OR10G3: variants seen among roughly 807,000 people sequenced by gnomAD.
OR10G3 encodes the protein olfactory receptor 10G3.
OR10G3 carries 8 observed loss-of-function variants against 13.4 expected under a neutral mutation model. The ratio of observed to expected loss-of-function variants is 0.60; its 90% CI spans 0.35 to 1.08. The LOEUF is 1.08. OR10G3 is among the 50% of genes least tolerant of loss of function. The pLI, the probability that OR10G3 is intolerant of heterozygous loss-of-function variation, is 0.02. For synonymous variants in OR10G3, 142 were observed against 156.1 expected (o/e 0.91, Z 0.67); for missense variants, 393 against 386.6 (o/e 1.02, Z -0.14).
intron 1 of OR10G3, among the ~76,000 whole-genome samples, chr14:21,572,481 C>A (rs2139711789): frequency 6.6e-6 from 1 of 150,892 alleles, no homozygotes; most frequent in East Asian, 1.9e-4. Context: ...CCTGTACTCC[C>A]AGCTACTTGG....
chr14:21,569,605 C>T lies in OR10G3; in HGVS notation c.*198G>A. 1.4e-5 allele frequency: 8 copies of T among 557,932 alleles called. No individual in the cohort carries two copies. Among genetic ancestry groups the T allele is most frequent in the Non-Finnish European group, 3.1e-6 (1 of 318,760 alleles). 34.6% of individuals were successfully genotyped at this position (557,932 alleles called of 1,614,324 possible). ...TGAGAATTTGGTCTCATTCTCTACT[C>T]TTGCAGTGGCTGAGAGTTATCTTGA... On this transcript the variant is annotated 3_prime_UTR_variant, in exon 2 of 2. Transcript: ENST00000641040.
intron 1 of OR10G3, among the ~76,000 whole-genome samples, chr14:21,573,878 C>T (rs1417008299): frequency 6.6e-6 from 1 of 152,054 alleles, no homozygotes; most frequent in East Asian, 1.9e-4. Context: ...GTATATGCAT[C>T]TATCAAAACA....
chr14:21,575,268 A>T (rs1430135375), intron 1 of OR10G3, among the ~76,000 whole-genome samples: 4 of 151,896 alleles, frequency 2.6e-5, no homozygotes, highest in Admixed American at 2.6e-4. Flanking sequence ...TTTTTAGTAG[A>T]GACAGGGTTT....
In OR10G3 at chr14:21,569,771, G is replaced by T; in HGVS notation, c.*32C>A. ...CTAAACATTATAATAAATTCTAATT[G>T]TGGCAGCTTCCCTAGTGGGAGAAAG... On this transcript the variant is annotated 3_prime_UTR_variant, in exon 2 of 2. Transcript: ENST00000641040. 1 of 1,550,220 alleles carries T rather than the reference G, an allele frequency of 6.5e-7. No individual in the cohort carries two copies. The highest frequency in any genetic ancestry group is 1.2e-5 in the South Asian group (1 of 86,030).
At chr14:21,574,883 C>A (rs1004294683) in intron 1 of OR10G3, 3 of 151,936 alleles carry the variant, frequency 2.0e-5, no homozygotes, top group Non-Finnish European at 4.4e-5. Flanking sequence ...CCCAGAAGGT[C>A]AAGGTGAACC....
intron 1 of OR10G3, among the ~76,000 whole-genome samples, chr14:21,571,743 C>T (rs1044788177): frequency 6.6e-6 from 1 of 151,954 alleles, no homozygotes; most frequent in African/African-American, 2.4e-5. Flanking sequence ...AGCATGATCT[C>T]AGCTCACTGA....
chr14:21,570,060 T>C lies in OR10G3; in HGVS notation c.685A>G (p.Ile229Val). The C allele has an allele frequency of 6.2e-7, 1 of 1,614,210 alleles. No individual in the cohort carries two copies. Residue 229 changes from isoleucine (I) to valine (V), a missense_variant, in exon 2 of 2, where the codon ATC (isoleucine) becomes GTC (valine). Ile to Val is a conservative substitution (Grantham distance 29). Coordinates refer to ENST00000641040, the MANE Select transcript of OR10G3 (RefSeq NM_001005465.2). ...YIQIIQAILR[I>V]HTADGRRRAF... ...CGGCGCCGCCCATCAGCTGTGTGGA[T>C]TCTCAGGATGGCCTGAATGATCTGT...
chr14:21,570,555 G>A lies in OR10G3; in HGVS notation c.190C>T (p.Leu64Phe), dbSNP rs1313866200. 6.2e-7 allele frequency: 1 copy of A among 1,614,180 alleles called. No individual in the cohort carries two copies. Among genetic ancestry groups the A allele is most frequent in the South Asian group, 1.1e-5 (1 of 91,086 alleles). The change falls in exon 2 of 2, where the codon CTT (leucine) becomes TTT (phenylalanine). Residue 64 changes from leucine to phenylalanine, a missense_variant. By Grantham distance (22) the Leu-to-Phe change is conservative. Transcript: ENST00000641040. Reference protein sequence around the residue: ...RLHARPMYIFLGVLSVIDMSI... With the variant: ...RLHARPMYIFFGVLSVIDMSI... ...ATATCAATGACTGAGAGAACACCAAGAAAGATGTACATGGGGCGGGCATGG... is the reference window on the plus strand; with the variant it reads ...ATATCAATGACTGAGAGAACACCAAAAAAGATGTACATGGGGCGGGCATGG...
rs1040767704 is a variant in OR10G3, at chr14:21,569,710, G to GA, written c.*92dup. ...TCATACAGTATGGCTATATAAAAGA[G>GA]AAAAAACAAGAAGAAAAGAAAAAAG... On this transcript the variant is annotated 3_prime_UTR_variant, in exon 2 of 2. Coordinates refer to ENST00000641040, the MANE Select transcript of OR10G3 (RefSeq NM_001005465.2). 3.8e-6 allele frequency: 4 copies of GA among 1,048,364 alleles called. No homozygotes were observed. In the African/African-American group the frequency reaches 6.5e-5, roughly 17 times the overall value. 64.9% of individuals were successfully genotyped at this position (1,048,364 alleles called of 1,614,324 possible).
rs753276900 is a variant in OR10G3 at position 21,569,542 on chromosome 14, C to T, written c.*261G>A. The T allele has an allele frequency of 2.4e-5, 9 of 375,894 alleles. No homozygotes were observed. The highest frequency in any genetic ancestry group is 8.6e-5 in the Admixed American group (2 of 23,138). 23.3% of individuals were successfully genotyped at this position (375,894 alleles called of 1,614,324 possible). ...TGAGACATTGGAAAATACACTATTG[C>T]ATTCTTTCTTCTGGATTGTTTAATG... On this transcript the variant is annotated 3_prime_UTR_variant, in exon 2 of 2. Transcript: ENST00000641040.
rs150873298 is a variant in OR10G3 at position 21,570,610 on chromosome 14, A to C, written c.135T>G (p.Ile45Met). 38 of 1,614,132 alleles carry C rather than the reference A, an allele frequency of 2.4e-5. 1 individual carries two copies. The East Asian group carries it at 8.5e-4, about 36-fold the overall frequency. ...YILTQLGNLL[I>M]LITVWADPRL... ...TTGGGTCTGCCCAGACAGTGATTAA[A>C]ATAAGCAGGTTTCCCAGCTGAGTCA... The change falls in exon 2 of 2, where the codon ATT becomes ATG. Residue 45 changes from isoleucine (I) to methionine (M), a missense_variant. By Grantham distance (10) the Ile-to-Met change is conservative. Coordinates refer to ENST00000641040, the MANE Select transcript of OR10G3 (RefSeq NM_001005465.2).
Position 21,569,804 on chromosome 14 carries a change from C to A in OR10G3, c.941G>T (p.Ter314LeuextTer19), listed in dbSNP as rs974405992. The A allele has an allele frequency of 1.4e-5, 22 of 1,612,670 alleles. No individual in the cohort carries two copies. The highest frequency in any genetic ancestry group is 1.7e-5 in the Non-Finnish European group (20 of 1,179,132). Reference protein sequence around the residue: ...LRSPRTPSEV* With the variant: ...LRSPRTPSEVL ...TTCCCTAGTGGGAGAAAGACACTTT[C>A]AAACCTCACTCGGAGTTCTTGGGCT... The change falls in exon 2 of 2, where the codon TGA (stop) becomes TTA (leucine). Residue 314 changes from the stop codon to leucine, a stop_lost. Coordinates refer to ENST00000641040, the MANE Select transcript of OR10G3 (RefSeq NM_001005465.2).
intron 1 of OR10G3, among the ~76,000 whole-genome samples, chr14:21,577,074 C>T (rs1470905705): frequency 1.3e-5 from 2 of 152,146 alleles, no homozygotes; most frequent in Non-Finnish European, 2.9e-5. Context: ...CATAAACCTC[C>T]AAGCATAAAG....
intron 1 of OR10G3, among the ~76,000 whole-genome samples, chr14:21,578,717 T>C (rs941976020): frequency 3.9e-5 from 6 of 152,088 alleles, no homozygotes; most frequent in African/African-American, 1.4e-4. Flanking sequence ...GCACACTTTT[T>C]TATTTATAAA....
Position 21,570,307 on chromosome 14 carries a change from C to T in OR10G3, c.438G>A (p.Val146=). ...TGGATCCTGCCATCCAGGCTCCAGC[C>T]ACAAGCAAGGCGCTCAGCTTAGCAG... ...LMTAKLSALL[V]AGAWMAGSIH... The change falls in exon 2 of 2, where the codon GTG becomes GTA. Residue 146 remains valine (V), a synonymous_variant. Coordinates refer to ENST00000641040, the MANE Select transcript of OR10G3 (RefSeq NM_001005465.2). The T allele has an allele frequency of 6.2e-7, 1 of 1,614,176 alleles. No homozygotes were observed. The highest frequency in any genetic ancestry group is 8.5e-7 in the Non-Finnish European group (1 of 1,180,042).
Position 21,569,956 on chromosome 14 carries a change from A to T in OR10G3, c.789T>A (p.Pro263=), listed in dbSNP as rs1460636769. The T allele has an allele frequency of 6.2e-7, 1 of 1,612,558 alleles. No homozygotes were observed. The highest frequency in any genetic ancestry group is 8.5e-7 in the Non-Finnish European group (1 of 1,179,042). The part of the protein sequence containing the change: ...YVPCAFIYLR[P]ETNSPLDGAA... The stretch of plus-strand genomic sequence containing the variant: ...CCCCATCCAGGGGGCTGTTGGTTTC[A>T]GGCCTCAGGTAGATGAAGGCACAGG... The change falls in exon 2 of 2, where the codon CCT becomes CCA. Residue 263 remains proline, a synonymous_variant. Coordinates refer to ENST00000641040, the MANE Select transcript of OR10G3 (RefSeq NM_001005465.2).
At chr14:21,571,682 C>CTT (rs11290926) in intron 1 of OR10G3, among the ~76,000 whole-genome samples, 27 of 148,142 alleles carry the variant, frequency 1.8e-4, no homozygotes, top group East Asian at 7.9e-4. Flanking sequence ...ATTCGCATTT[C>CTT]TTTTTTTTTT....
chr14:21,577,185 AAG>A (rs111838316), intron 1 of OR10G3, among the ~76,000 whole-genome samples: 8,425 of 146,592 alleles, frequency 0.057, 754 homozygotes, highest in African/African-American at 0.21. Flanking sequence ...TCAAAAATAA[AAG>A]AGAGAGAGAG....
chr14:21,576,705 A>G (rs1304990015), intron 1 of OR10G3, among the ~76,000 whole-genome samples: 3 of 152,092 alleles, frequency 2.0e-5, no homozygotes, highest in Non-Finnish European at 4.4e-5. Flanking sequence ...TTTGGAGAAT[A>G]TTCTAAGATT....
Sources: gnomAD v4.1 joint callset for allele counts (sites outside exome capture counted in the v4.1 genomes callset) on GRCh38, gnomAD v4.1.1 for gene constraint, MANE v1.5 for transcripts, NCBI Gene and HGNC (gene_info 2026-07-23, HGNC 2026-07-21) for gene names.